Variants in PATJ observed in about 807,000 individuals in gnomAD.
The protein encoded by PATJ is inaD-like protein.
A neutral mutation model predicts 224.9 loss-of-function variants in PATJ; 190 were observed. The ratio of observed to expected loss-of-function variants is 0.84; its 90% confidence interval spans 0.75 to 0.95. The LOEUF (loss-of-function observed/expected upper bound fraction) is 0.95, where lower values mean the gene tolerates loss of function less well. PATJ is among the 40% of genes least tolerant of loss of function. The probability of loss-of-function intolerance (pLI) is 0.00; values close to 1 mark genes in which losing one functional copy is unlikely to be tolerated. For synonymous variants in PATJ, 769 were observed against 820.3 expected, an observed-to-expected ratio of 0.94 and a Z score of 1.07; for missense variants, 2,121 against 2,270.3, an observed-to-expected ratio of 0.93 and a Z score of 1.34.
chr1:61,860,107 A>G (rs1478923148), intron 18 of PATJ, among the ~76,000 whole-genome samples: 7 of 152,162 alleles, frequency 4.6e-5, no homozygotes, highest in Non-Finnish European at 1.0e-4. Flanking sequence ...TATACACTTC[A>G]TGTTATATAT....
chr1:61,977,715 A>T (rs950295122), intron 27 of PATJ, among the ~76,000 whole-genome samples: 1 of 151,608 alleles, frequency 6.6e-6, no homozygotes, highest in African/African-American at 2.4e-5. Flanking sequence ...ATCTCTTTTT[A>T]AAAAAGAAAT....
chr1:62,082,315 G>A (rs999080478), intron 32 of PATJ, among the ~76,000 whole-genome samples: 7 of 152,170 alleles, frequency 4.6e-5, no homozygotes, highest in Admixed American at 4.6e-4. Context: ...CTCTGGGCCG[G>A]GCACCTCACA....
At position 61,869,097 on chromosome 1, in the gene PATJ, ATTTTTTT is replaced by A. The variant is rs113334846; in HGVS notation, c.2835+4478_2835+4484del. Among the ~76,000 whole-genome samples the A allele has an allele frequency of 1.2e-4, 15 of 125,536 alleles. 1 individual carries two copies. The East Asian group carries it at 2.5e-3, about 21-fold the overall frequency. The allele number at this position is 125,536 out of a possible 152,430, so 82.4% of individuals were successfully genotyped here. ...TTTTAGGAGAACAAATGGAAATAACATTTTTTTTTTTTTTTTTTTTCTTTTTTGAGAC... is the reference window on the plus strand; with the variant it reads ...TTTTAGGAGAACAAATGGAAATAACATTTTTTTTTTTTTCTTTTTTGAGAC... On this transcript the variant is annotated intron_variant, in intron 20 of 43. Coordinates refer to ENST00000642238, the MANE Select transcript of PATJ (RefSeq NM_001350145.3).
intron 1 of PATJ, among the ~76,000 whole-genome samples, chr1:61,760,612 T>G (rs1289478140): frequency 1.4e-5 from 2 of 142,176 alleles, no homozygotes; most frequent in Non-Finnish European, 3.1e-5. Flanking sequence ...CTTTTCTTTT[T>G]CTTTTTCTTT....
intron 27 of PATJ, among the ~76,000 whole-genome samples, chr1:61,928,076 T>C (rs142995225): frequency 1.3e-5 from 2 of 152,322 alleles, no homozygotes; most frequent in East Asian, 3.9e-4. Flanking sequence ...TCCCTTCTAA[T>C]CTTATTGTTT....
chr1:61,764,019 GTTATTA>G (rs1324163260), intron 3 of PATJ, among the ~76,000 whole-genome samples: 1 of 150,652 alleles, frequency 6.6e-6, no homozygotes, highest in African/African-American at 2.4e-5. Context: ...GTGTGTGTGT[GTTATTA>G]TTATTATTTT....
chr1:61,762,493 A>G (rs961348509), intron 1 of PATJ, among the ~76,000 whole-genome samples: 8 of 152,176 alleles, frequency 5.3e-5, no homozygotes, highest in African/African-American at 1.7e-4. Flanking sequence ...TTGTGAGCAT[A>G]TATTTTCATG....
chr1:61,811,704 G>A (rs1654791842), intron 14 of PATJ, among the ~76,000 whole-genome samples: 1 of 145,832 alleles, frequency 6.9e-6, no homozygotes, highest in South Asian at 2.3e-4. Flanking sequence ...TATTTATCTA[G>A]TATGGAATTT....
intron 27 of PATJ, among the ~76,000 whole-genome samples, chr1:61,965,897 GTTATTT>G (rs1233418538): frequency 2.3e-4 from 35 of 152,126 alleles, no homozygotes; most frequent in Non-Finnish European, 4.1e-4. Context: ...TATTATTTAT[GTTATTT>G]TTATTTATTT....
intron 27 of PATJ, among the ~76,000 whole-genome samples, chr1:61,969,622 C>G (rs1422023132): frequency 2.6e-4 from 40 of 151,832 alleles, no homozygotes; most frequent in Admixed American, 2.6e-3. Context: ...TATTATATAC[C>G]CTTATCAGAT....
chr1:62,085,123 A>G (rs1040826245), intron 33 of PATJ, among the ~76,000 whole-genome samples: 2 of 152,192 alleles, frequency 1.3e-5, no homozygotes, highest in African/African-American at 4.8e-5. Flanking sequence ...TTAGCTGGGC[A>G]TGGTGGTGCA....
intron 17 of PATJ, among the ~76,000 whole-genome samples, chr1:61,852,951 G>T (rs543408887): frequency 6.6e-6 from 1 of 152,316 alleles, no homozygotes; most frequent in South Asian, 2.1e-4. Context: ...AAAAAATGAA[G>T]CAGTGATTAT....
At chr1:62,084,400 A>G (rs1215816762) in intron 32 of PATJ, 115 bp from the exon 33 acceptor site, 3 of 1,097,250 alleles carry the variant, frequency 2.7e-6, no homozygotes, top group Non-Finnish European at 3.8e-6. Context: ...GGTGTTTGGC[A>G]GGAAAAGAGT....
At chr1:61,888,037 C>T (rs72676226) in intron 22 of PATJ, among the ~76,000 whole-genome samples, 3,370 of 152,156 alleles carry the variant, frequency 0.022, 63 homozygotes, top group Non-Finnish European at 0.033. Flanking sequence ...TCTGCATAGC[C>T]CATATCTGAG....
chr1:61,953,085 A>G (rs920455821), intron 27 of PATJ, among the ~76,000 whole-genome samples: 1 of 152,222 alleles, frequency 6.6e-6, no homozygotes, highest in Admixed American at 6.5e-5. Flanking sequence ...CCTTGTTAAC[A>G]TAATGGTTCT....
At chr1:61,818,802 A>T (rs1656685056) in intron 14 of PATJ, among the ~76,000 whole-genome samples, 1 of 152,180 alleles carries the variant, frequency 6.6e-6, no homozygotes. Flanking sequence ...ACGAGATGAC[A>T]TGGGTGAGCC....
At chr1:61,963,781 C>T (rs996945750) in intron 27 of PATJ, among the ~76,000 whole-genome samples, 1 of 151,938 alleles carries the variant, frequency 6.6e-6, no homozygotes, top group Non-Finnish European at 1.5e-5. Context: ...TATACATGAA[C>T]CCACACAGTT....
rs918500794 is a variant in PATJ, at chr1:62,161,343, T to C, written c.*289T>C. The C allele has an allele frequency of 1.1e-4, 24 of 226,850 alleles. No individual in the cohort carries two copies. The highest frequency in any genetic ancestry group is 4.8e-4 in the African/African-American group (17 of 35,672). The allele number at this position is 226,850 out of a possible 1,614,324, so 14.1% of individuals were successfully genotyped here. Reference sequence around the variant, plus strand: ...AGTGTTCCGATTTCTTTTTTTTTTTTTTTTTTTTTTTTTGAGACGGAGTCT... The same window carrying C: ...AGTGTTCCGATTTCTTTTTTTTTTTCTTTTTTTTTTTTTGAGACGGAGTCT... On this transcript the variant is annotated 3_prime_UTR_variant, in exon 44 of 44. Coordinates refer to ENST00000642238, the MANE Select transcript of PATJ (RefSeq NM_001350145.3).
intron 17 of PATJ, among the ~76,000 whole-genome samples, chr1:61,837,271 G>A (rs906066299): frequency 6.6e-6 from 1 of 152,136 alleles, no homozygotes; most frequent in African/African-American, 2.4e-5. Context: ...TTTTGATACT[G>A]TCCTCAAAGA....
Sources: gnomAD v4.1 joint callset for allele counts (sites outside exome capture counted in the v4.1 genomes callset) on GRCh38, gnomAD v4.1.1 for gene constraint, MANE v1.5 for transcripts, NCBI Gene and HGNC (gene_info 2026-07-23, HGNC 2026-07-21) for gene names.